The following SH3BGRL2 variants were observed in gnomAD, a reference collection of about 807,000 sequenced individuals.
The protein encoded by SH3BGRL2 is SH3 domain binding glutamate rich protein like 2, also known as SH3 domain-binding glutamic acid-rich-like protein 2.
A neutral mutation model predicts 14.8 loss-of-function variants in SH3BGRL2; 21 were observed. That is an observed-to-expected ratio of 1.42 (90% CI 1.01 to 2.05). SH3BGRL2 has a LOEUF of 2.05. SH3BGRL2 is among the 30% of genes most tolerant of loss of function. The probability of loss-of-function intolerance (pLI) is 0.00; values close to 1 mark genes in which losing one functional copy is unlikely to be tolerated. For missense variants in SH3BGRL2, 147 were observed against 130.8 expected (o/e 1.12, Z -0.61); for synonymous variants, 50 against 47.8 (o/e 1.05, Z -0.19).
intron 1 of SH3BGRL2, among the ~76,000 whole-genome samples, chr6:79,649,683 G>A (rs1769241524): frequency 6.6e-6 from 1 of 152,002 alleles, no homozygotes. Flanking sequence ...TCTACACATA[G>A]GTATAGCATT....
At chr6:79,597,022 G>A in the SH3BGRL2 span, among the ~76,000 whole-genome samples, 3 of 152,122 alleles carry the variant, frequency 2.0e-5, no homozygotes, top group Non-Finnish European at 4.4e-5. Flanking sequence ...GTGAGGTCAG[G>A]AATTCGAGAT....
chr6:79,645,500 C>T (rs1432241106), intron 1 of SH3BGRL2, among the ~76,000 whole-genome samples: 2 of 152,156 alleles, frequency 1.3e-5, no homozygotes, highest in African/African-American at 4.8e-5. Flanking sequence ...GGGCCTGTAT[C>T]CTTGGTGTCT....
Position 79,702,265 on chromosome 6 carries a change from T to C in SH3BGRL2, c.*2756T>C, listed in dbSNP as rs1033981991. 20 of 152,764 alleles carry C rather than the reference T, an allele frequency of 1.3e-4. No homozygotes were observed. The highest frequency in any genetic ancestry group is 4.1e-4 in the African/African-American group (17 of 41,580). 9.5% of individuals were successfully genotyped at this position (152,764 alleles called of 1,614,324 possible). On this transcript the variant is annotated 3_prime_UTR_variant, in exon 4 of 4. Coordinates refer to ENST00000369838, the MANE Select transcript of SH3BGRL2 (RefSeq NM_031469.4). ...ATGAATTTAATAATAAACTAAACTT[T>C]TTTTTGTCTCCCGTTATTGAAAAGT... is the stretch of plus-strand genomic sequence containing the variant.
chr6:79,553,619 AG>A, the SH3BGRL2 span, among the ~76,000 whole-genome samples: 1 of 152,186 alleles, frequency 6.6e-6, no homozygotes. Context: ...TTTGTGAGAC[AG>A]AGCCATTTTC....
intron 1 of SH3BGRL2, among the ~76,000 whole-genome samples, chr6:79,640,516 TG>T (rs750652426): frequency 2.0e-4 from 30 of 152,186 alleles, no homozygotes; most frequent in Non-Finnish European, 4.1e-4. Context: ...GCACAGCCTC[TG>T]GGACAATTTG....
intron 2 of SH3BGRL2, among the ~76,000 whole-genome samples, chr6:79,676,605 ATGTGTGTGTGTGTGTGTG>A (rs58234438): frequency 7.2e-6 from 1 of 139,672 alleles, no homozygotes; most frequent in African/African-American, 2.7e-5. Context: ...GTCTTTATGT[ATGTGTGTGTGTGTGTGTG>A]TGTGTGTGTG....
At chr6:79,643,254 G>A (rs974691708) in intron 1 of SH3BGRL2, among the ~76,000 whole-genome samples, 6 of 152,134 alleles carry the variant, frequency 3.9e-5, no homozygotes, top group African/African-American at 1.4e-4. Context: ...CTTTTCTTCT[G>A]ATTTTGTGCC....
intron 2 of SH3BGRL2, among the ~76,000 whole-genome samples, chr6:79,679,115 T>C (rs1008159700): frequency 1.3e-5 from 2 of 152,188 alleles, no homozygotes; most frequent in South Asian, 2.1e-4. Context: ...TAATGATCCA[T>C]TTTCTTTTGG....
At chr6:79,651,987 TC>T (rs1769306326) in intron 1 of SH3BGRL2, among the ~76,000 whole-genome samples, 1 of 152,162 alleles carries the variant, frequency 6.6e-6, no homozygotes, top group Non-Finnish European at 1.5e-5. Context: ...GCCAGTAGTA[TC>T]CTTCTCCCAA....
At chr6:79,619,087 A>T in the SH3BGRL2 span, among the ~76,000 whole-genome samples, 1 of 152,018 alleles carries the variant, frequency 6.6e-6, no homozygotes, top group Non-Finnish European at 1.5e-5. Context: ...TTGAGCCATT[A>T]TTTGAATTTG....
At chr6:79,601,481 C>A in the SH3BGRL2 span, among the ~76,000 whole-genome samples, 2 of 152,212 alleles carry the variant, frequency 1.3e-5, no homozygotes, top group Non-Finnish European at 2.9e-5. Flanking sequence ...CAGGCGTGAG[C>A]AACCTTGCCT....
intron 2 of SH3BGRL2, among the ~76,000 whole-genome samples, chr6:79,692,885 C>T (rs1483464339): frequency 6.6e-5 from 10 of 152,058 alleles, no homozygotes; most frequent in Admixed American, 2.6e-4. Context: ...TTTTTCCAAT[C>T]CTGTGAAGAA....
intron 1 of SH3BGRL2, among the ~76,000 whole-genome samples, chr6:79,644,145 T>C (rs1018175077): frequency 6.6e-6 from 1 of 152,168 alleles, no homozygotes; most frequent in East Asian, 1.9e-4. Flanking sequence ...TCTTGAACCC[T>C]AGGTTACTAG....
At chr6:79,608,525 C>T in the SH3BGRL2 span, among the ~76,000 whole-genome samples, 50 of 152,294 alleles carry the variant, frequency 3.3e-4, no homozygotes, top group African/African-American at 1.1e-3. Flanking sequence ...GGGCTTGGCA[C>T]ATGGTAACTG....
the SH3BGRL2 span, among the ~76,000 whole-genome samples, chr6:79,609,950 A>G: frequency 2.0e-5 from 3 of 152,370 alleles, no homozygotes; most frequent in East Asian, 3.8e-4. Context: ...TGCATATGGA[A>G]GGCATATTTC....
chr6:79,558,347 T>C, the SH3BGRL2 span, among the ~76,000 whole-genome samples: 1 of 152,176 alleles, frequency 6.6e-6, no homozygotes, highest in Non-Finnish European at 1.5e-5. Flanking sequence ...GGATGTTGTA[T>C]ACATTGGATA....
chr6:79,579,171 G>T, the SH3BGRL2 span, among the ~76,000 whole-genome samples: 69 of 152,344 alleles, frequency 4.5e-4, no homozygotes, highest in Middle Eastern at 0.01. Flanking sequence ...ATCTATATTT[G>T]TTTGGTGTAT....
At position 79,699,737 on chromosome 6, in the gene SH3BGRL2, T is replaced by C. The variant is rs543987347; in HGVS notation, c.*228T>C. ...TTTTTCTTATTCTATTTGCCTGCAGTTGCCTCACTCACCTGGAAATACCGT... is the reference window on the plus strand; with the variant it reads ...TTTTTCTTATTCTATTTGCCTGCAGCTGCCTCACTCACCTGGAAATACCGT... On this transcript the variant is annotated 3_prime_UTR_variant, in exon 4 of 4. Coordinates refer to ENST00000369838, the MANE Select transcript of SH3BGRL2 (RefSeq NM_031469.4). The C allele has an allele frequency of 2.0e-6, 1 of 488,856 alleles. No homozygotes were observed. The highest frequency in any genetic ancestry group is 3.2e-5 in the East Asian group (1 of 31,022). 30.3% of individuals were successfully genotyped at this position (488,856 alleles called of 1,614,324 possible).
upstream of SH3BGRL2, among the ~76,000 whole-genome samples, chr6:79,627,071 ACT>A (rs1562141440): frequency 6.6e-6 from 1 of 151,504 alleles, no homozygotes; most frequent in East Asian, 1.9e-4. Context: ...CTACATAGTG[ACT>A]CTATTTCCCC....
Sources: allele counts gnomAD v4.1 joint callset (sites outside exome capture counted in the v4.1 genomes callset), GRCh38; gene constraint gnomAD v4.1.1; transcripts MANE v1.5; gene names NCBI Gene and HGNC (gene_info 2026-07-23, HGNC 2026-07-21).